Variants in FAM193A observed in about 807,000 individuals in gnomAD.
FAM193A encodes protein FAM193A.
In FAM193A, 22 loss-of-function variants were observed where a neutral mutation model predicts 126.5. The observed-to-expected ratio is 0.17, with a 90% CI of 0.12 to 0.25. FAM193A has a LOEUF of 0.25. FAM193A is among the 10% of genes least tolerant of loss of function. The probability of loss-of-function intolerance (pLI) is 1.00; values close to 1 mark genes in which losing one functional copy is unlikely to be tolerated. For missense variants in FAM193A, 1,675 were observed against 1,672.8 expected (o/e 1.00, Z -0.02); for synonymous variants, 761 against 646.8 (o/e 1.18, Z -2.68).
In FAM193A at chr4:2,690,720, A is replaced by C; in HGVS notation, c.2553A>C (p.Thr851=). ...AAGGGAGTGAAATATTAGGGCCAAC[A>C]CTCTCAGAAACAAGACCGGAAGCCC... ...TISGSEILGP[T]LSETRPEALP... The change falls in exon 15 of 21, where the codon ACA becomes ACC. Residue 851 remains threonine, a synonymous_variant. Coordinates refer to ENST00000637812, the MANE Select transcript of FAM193A (RefSeq NM_001366318.2). The C allele has an allele frequency of 6.2e-7, 1 of 1,613,284 alleles. No individual in the cohort carries two copies. Among genetic ancestry groups the C allele is most frequent in the Non-Finnish European group, 8.5e-7 (1 of 1,179,772 alleles).
At chr4:2,556,124 G>C (rs922356951) in intron 1 of FAM193A, among the ~76,000 whole-genome samples, 1 of 151,246 alleles carries the variant, frequency 6.6e-6, no homozygotes, top group African/African-American at 2.4e-5. Flanking sequence ...TTGAACGCCT[G>C]ATCTCAGGTG....
intron 1 of FAM193A, among the ~76,000 whole-genome samples, chr4:2,547,529 C>T (rs76919220): frequency 0.066 from 10,023 of 151,808 alleles, 586 homozygotes; most frequent in African/African-American, 0.15. Flanking sequence ...GGATTACAGG[C>T]GTGAGCCACC....
chr4:2,564,742 T>G (rs1407313102), intron 1 of FAM193A, among the ~76,000 whole-genome samples: 1 of 152,076 alleles, frequency 6.6e-6, no homozygotes, highest in Non-Finnish European at 1.5e-5. Context: ...GAGTAAATGG[T>G]TAGAATAAAT....
intron 1 of FAM193A, among the ~76,000 whole-genome samples, chr4:2,540,905 G>A (rs1737192474): frequency 1.3e-5 from 2 of 150,660 alleles, no homozygotes; most frequent in Admixed American, 6.7e-5. Flanking sequence ...AGGTTGCAGT[G>A]AGCCCAGATC....
At chr4:2,538,035 A>G (rs1038188075) in intron 1 of FAM193A, among the ~76,000 whole-genome samples, 3 of 152,214 alleles carry the variant, frequency 2.0e-5, no homozygotes, top group African/African-American at 7.2e-5. Context: ...AGTCATTTCC[A>G]GTTATCCCAT....
At chr4:2,726,621 C>G (rs957157582) in intron 20 of FAM193A, among the ~76,000 whole-genome samples, 3 of 151,694 alleles carry the variant, frequency 2.0e-5, no homozygotes, top group Admixed American at 2.0e-4. Flanking sequence ...TAATTCAGAC[C>G]TTTTTTCCTC....
chr4:2,562,635 TG>T (rs1472324274), intron 1 of FAM193A, among the ~76,000 whole-genome samples: 8 of 149,212 alleles, frequency 5.4e-5, no homozygotes, highest in Non-Finnish European at 1.2e-4. Context: ...TTCCTTTTTT[TG>T]TTTTTTTTTT....
At chr4:2,600,553 C>CT (rs537666391) in intron 2 of FAM193A, among the ~76,000 whole-genome samples, 16 of 152,290 alleles carry the variant, frequency 1.1e-4, no homozygotes, top group African/African-American at 3.9e-4. Flanking sequence ...GCTTCTTAGA[C>CT]TACGTGTACC....
At chr4:2,586,351 A>T (rs1032176523) in intron 1 of FAM193A, among the ~76,000 whole-genome samples, 1 of 151,860 alleles carries the variant, frequency 6.6e-6, no homozygotes, top group African/African-American at 2.4e-5. Context: ...GGTCATGAGG[A>T]TATTATCCAT....
At chr4:2,572,452 C>T (rs1028235631) in intron 1 of FAM193A, among the ~76,000 whole-genome samples, 6 of 152,134 alleles carry the variant, frequency 3.9e-5, no homozygotes, top group Non-Finnish European at 7.3e-5. Context: ...CCACAGTGCT[C>T]GCTGCAGTGG....
At chr4:2,710,355 A>G (rs1718804496) in intron 19 of FAM193A, among the ~76,000 whole-genome samples, 1 of 151,420 alleles carries the variant, frequency 6.6e-6, no homozygotes, top group African/African-American at 2.4e-5. Context: ...TTGTATATTT[A>G]GTAGAGATGG....
intron 20 of FAM193A, among the ~76,000 whole-genome samples, chr4:2,716,370 C>T (rs1202943438): frequency 1.3e-5 from 2 of 152,194 alleles, no homozygotes; most frequent in South Asian, 2.1e-4. Context: ...CACCCTTCCC[C>T]GCCAACTGGC....
chr4:2,692,255 C>T (rs751952762), intron 15 of FAM193A, among the ~76,000 whole-genome samples: 4 of 152,158 alleles, frequency 2.6e-5, no homozygotes, highest in African/African-American at 7.2e-5. Flanking sequence ...AACGAGTACA[C>T]GGCGAAGGGG....
intron 1 of FAM193A, among the ~76,000 whole-genome samples, chr4:2,564,683 A>G (rs986255776): frequency 5.9e-5 from 9 of 152,186 alleles, no homozygotes; most frequent in African/African-American, 2.2e-4. Flanking sequence ...TTATTTTGTC[A>G]GCAAATATTT....
rs763271842 is a variant in FAM193A at position 2,547,070 on chromosome 4, C to G, written c.255+9900C>G. On this transcript the variant is annotated intron_variant, in intron 1 of 20. Coordinates refer to ENST00000637812, the MANE Select transcript of FAM193A (RefSeq NM_001366318.2). ...AGTGCTAGGATTACAGGTATAAGCC[C>G]TGGCCTAAACTGTTTTTTAAAAAAC... Among the ~76,000 whole-genome samples the G allele has an allele frequency of 4.7e-4, 71 of 152,234 alleles. No individual in the cohort carries two copies. The Middle Eastern group carries it at 0.017, about 36-fold the overall frequency.
intron 13 of FAM193A, among the ~76,000 whole-genome samples, chr4:2,685,203 A>G (rs1385611455): frequency 6.6e-6 from 1 of 152,048 alleles, no homozygotes; most frequent in African/African-American, 2.4e-5. Context: ...TATCAAGTGG[A>G]GCCTGGTGAC....
At position 2,608,075 on chromosome 4, in the gene FAM193A, G is replaced by A. The variant is rs532939559; in HGVS notation, c.501+11746G>A. On this transcript the variant is annotated intron_variant, in intron 2 of 20. Coordinates refer to ENST00000637812, the MANE Select transcript of FAM193A (RefSeq NM_001366318.2). ...AAATTGCAGAGTGTAAGGTGAAGCC[G>A]GCCTGATTCACTCCCAGATTAGTGC... is the stretch of plus-strand genomic sequence containing the variant. The A allele has an allele frequency of 2.5e-5, 41 of 1,609,320 alleles. No individual in the cohort carries two copies. The Middle Eastern group carries it at 8.3e-4, about 33-fold the overall frequency.
At chr4:2,655,826 G>T (rs1711606723) in intron 7 of FAM193A, among the ~76,000 whole-genome samples, 1 of 152,186 alleles carries the variant, frequency 6.6e-6, no homozygotes, top group Admixed American at 6.5e-5. Flanking sequence ...AGCTACTTGG[G>T]AGGCTGAGGT....
Position 2,626,685 on chromosome 4 carries a change from TTTGC to T in FAM193A, c.803+111_803+114del. 5 of 607,040 alleles carry T rather than the reference TTTGC, an allele frequency of 8.2e-6. No homozygotes were observed. The South Asian group carries it at 9.5e-5, about 12-fold the overall frequency. 37.6% of individuals were successfully genotyped at this position (607,040 alleles called of 1,614,324 possible). A position where few individuals can be genotyped will look rare whatever the true frequency, so the allele number is the denominator to read the frequency against. ...GCTTTCCTTACAGTGCTCAGCTGGG[TTTGC>T]TTAGCCTTTGGTGCCTGTCAAGACT... On this transcript the variant is annotated intron_variant, in intron 4 of 20. Coordinates refer to ENST00000637812, the MANE Select transcript of FAM193A (RefSeq NM_001366318.2).
Sources: allele counts gnomAD v4.1 joint callset (sites outside exome capture counted in the v4.1 genomes callset), GRCh38; gene constraint gnomAD v4.1.1; transcripts MANE v1.5; gene names NCBI Gene and HGNC (gene_info 2026-07-23, HGNC 2026-07-21).